The following CACNA1C variants were observed in gnomAD, a reference collection of about 807,000 sequenced individuals.
CACNA1C encodes voltage-dependent L-type calcium channel subunit alpha-1C.
CACNA1C carries 30 observed loss-of-function variants against 229.0 expected under a neutral mutation model. The observed-to-expected ratio is 0.13, with a 90% CI of 0.10 to 0.18. The LOEUF (loss-of-function observed/expected upper bound fraction) is 0.18, where lower values mean the gene tolerates loss of function less well. Among genes scored for constraint, CACNA1C ranks in the 10% least tolerant of loss-of-function variants. The pLI is 1.00. For synonymous variants in CACNA1C, 1,114 were observed against 1,132.5 expected, an observed-to-expected ratio of 0.98 and a Z score of 0.33; for missense variants, 1,658 against 2,845.0, an observed-to-expected ratio of 0.58 and a Z score of 9.49.
intron 4 of CACNA1C, among the ~76,000 whole-genome samples, chr12:2,455,784 C>T (rs1389955185): frequency 1.3e-5 from 2 of 152,156 alleles, no homozygotes; most frequent in African/African-American, 4.8e-5. Context: ...TCACTGACCG[C>T]TCTCTTCATG....
At chr12:2,240,746 G>A (rs1483954048) in intron 3 of CACNA1C, among the ~76,000 whole-genome samples, 2 of 152,138 alleles carry the variant, frequency 1.3e-5, no homozygotes, top group African/African-American at 2.4e-5. Flanking sequence ...ATGGTTAGGT[G>A]GGCACGCGTG....
Position 2,493,133 on chromosome 12 carries a change from G to A in CACNA1C, c.917-57G>A, listed in dbSNP as rs187330386. 996 of 1,460,586 alleles carry A rather than the reference G, an allele frequency of 6.8e-4. 1 individual carries two copies. In the African/African-American group the frequency reaches 0.013, roughly 18 times the overall value. The allele number at this position is 1,460,586 out of a possible 1,614,324, so 90.5% of individuals were successfully genotyped here. On this transcript the variant is annotated intron_variant, in intron 6 of 46. Coordinates refer to ENST00000399655, the MANE Select transcript of CACNA1C (RefSeq NM_000719.7). This position sits in a 1 kb window ranked among gnomAD's most constrained non-coding sequence, Gnocchi z 4.6. The stretch of plus-strand genomic sequence containing the variant: ...ACTTTTCTCTCTGACTTCTTTCTCT[G>A]CCCACATCTCTCCCTCCCTGCTGCT...
chr12:2,460,096 C>G (rs2099489526), intron 5 of CACNA1C, among the ~76,000 whole-genome samples: 1 of 152,244 alleles, frequency 6.6e-6, no homozygotes, highest in South Asian at 2.1e-4. Context: ...TGGGCTTGAC[C>G]ACATTCTGCG....
At chr12:2,418,783 C>T (rs1033792666) in intron 3 of CACNA1C, among the ~76,000 whole-genome samples, 1 of 152,128 alleles carries the variant, frequency 6.6e-6, no homozygotes, top group East Asian at 1.9e-4. Flanking sequence ...GGTCCTACAA[C>T]CTGACACGAG....
At position 2,422,831 on chromosome 12, in the gene CACNA1C, C is replaced by T. The variant is rs142346945; in HGVS notation, c.478-26145C>T. 5.1e-3 allele frequency among the ~76,000 whole-genome samples: 779 copies of T among 152,164 alleles called. 8 individuals are homozygous for T. The highest frequency in any genetic ancestry group is 0.018 in the African/African-American group (749 of 41,522). On this transcript the variant is annotated intron_variant, in intron 3 of 46. Coordinates refer to ENST00000399655, the MANE Select transcript of CACNA1C (RefSeq NM_000719.7). ...TGGCAATGGGTTAACTGCAGCGGCC[C>T]GTGGGGCAAGTGAGGGAGAGGCAGC...
intron 3 of CACNA1C, among the ~76,000 whole-genome samples, chr12:2,204,611 C>T (rs1218487364): frequency 1.3e-5 from 2 of 151,046 alleles, no homozygotes; most frequent in Non-Finnish European, 2.9e-5. Flanking sequence ...TACTATGCAG[C>T]CATAAAAAAT....
chr12:2,388,964 T>A (rs749381937), intron 3 of CACNA1C, among the ~76,000 whole-genome samples: 4 of 152,232 alleles, frequency 2.6e-5, no homozygotes, highest in Non-Finnish European at 4.4e-5. Context: ...ATTGGGGTCA[T>A]CAGTGTATGA....
At chr12:2,206,097 G>A (rs1474968171) in intron 3 of CACNA1C, among the ~76,000 whole-genome samples, 3 of 152,240 alleles carry the variant, frequency 2.0e-5, no homozygotes, top group South Asian at 4.1e-4. Flanking sequence ...TTTGAGGAGT[G>A]TTTAGGGAGG....
chr12:2,341,599 C>A (rs533647006), intron 3 of CACNA1C, among the ~76,000 whole-genome samples: 1 of 152,342 alleles, frequency 6.6e-6, no homozygotes, highest in South Asian at 2.1e-4. Flanking sequence ...TATCCACATG[C>A]CTTAGCAGAT....
intron 9 of CACNA1C, among the ~76,000 whole-genome samples, chr12:2,528,196 C>T (rs958482189): frequency 1.3e-5 from 2 of 152,166 alleles, no homozygotes; most frequent in Non-Finnish European, 2.9e-5. Flanking sequence ...CCAGACTTCA[C>T]GGCCCCACTT....
chr12:2,339,795 T>C (rs754571293), intron 3 of CACNA1C, among the ~76,000 whole-genome samples: 2 of 152,222 alleles, frequency 1.3e-5, no homozygotes, highest in Non-Finnish European at 2.9e-5. Context: ...ACTGCAGTGT[T>C]ATGCAGCACG....
intron 3 of CACNA1C, among the ~76,000 whole-genome samples, chr12:2,431,684 G>C (rs2099086355): frequency 6.6e-6 from 1 of 152,144 alleles, no homozygotes; most frequent in Admixed American, 6.5e-5. Flanking sequence ...CACAGGACCT[G>C]GCATGCAGCA....
chr12:2,610,791 A>G, intron 28 of CACNA1C, 92 bp downstream of exon 28: 6 of 1,297,462 alleles, frequency 4.6e-6, no homozygotes, highest in Non-Finnish European at 6.6e-6. Flanking sequence ...AGCTCAGTGC[A>G]TCGCTTTCCT....
At chr12:2,238,249 G>C (rs116909923) in intron 3 of CACNA1C, among the ~76,000 whole-genome samples, 138 of 152,322 alleles carry the variant, frequency 9.1e-4, no homozygotes, top group Non-Finnish European at 1.8e-3. Context: ...TCCTGTGATG[G>C]AGTGACGAGG....
intron 3 of CACNA1C, among the ~76,000 whole-genome samples, chr12:2,135,515 T>C (rs1248785732): frequency 1.5e-5 from 2 of 132,368 alleles, no homozygotes; most frequent in Non-Finnish European, 3.1e-5. Flanking sequence ...TTGTTAGTTT[T>C]CCTTCTAACA....
Position 2,067,481 on chromosome 12 carries a change from T to TATGTGC in CACNA1C, c.49+13870_49+13871insATGTGC, listed in dbSNP as rs1555107496. Among the ~76,000 whole-genome samples, 26 of 140,892 alleles carry TATGTGC rather than the reference T, an allele frequency of 1.8e-4. No individual in the cohort carries two copies. The highest frequency in any genetic ancestry group is 6.8e-4 in the African/African-American group (25 of 36,762). 92.4% of individuals were successfully genotyped at this position (140,892 alleles called of 152,430 possible). A position where few individuals can be genotyped will look rare whatever the true frequency, so the allele number is the denominator to read the frequency against. ...GTGTGTGTGTGTGTGTGTGTGTGTG[T>TATGTGC]GCGCGCGTGTGCGTGCCTGTATGTA... On this transcript the variant is annotated intron_variant, in intron 1 of 46. Coordinates refer to ENST00000399655, the MANE Select transcript of CACNA1C (RefSeq NM_000719.7). This position sits in a 1 kb window ranked among gnomAD's most constrained non-coding sequence, Gnocchi z 5.3.
intron 3 of CACNA1C, among the ~76,000 whole-genome samples, chr12:2,272,565 A>T (rs750282696): frequency 6.6e-4 from 101 of 152,262 alleles, no homozygotes; most frequent in Non-Finnish European, 1.4e-3. Flanking sequence ...TAAGAACACA[A>T]GAAAGGCTGA....
intron 1 of CACNA1C, among the ~76,000 whole-genome samples, chr12:2,071,056 TC>T (rs1356838558): frequency 1.8e-5 from 2 of 110,410 alleles, no homozygotes; most frequent in African/African-American, 7.2e-5. Flanking sequence ...CTTCCCTTCC[TC>T]CCTCCCTCCC....
At chr12:2,472,518 A>G (rs1460226298) in intron 5 of CACNA1C, among the ~76,000 whole-genome samples, 1 of 151,990 alleles carries the variant, frequency 6.6e-6, no homozygotes, top group Non-Finnish European at 1.5e-5. Context: ...AAGATCATAT[A>G]CTCATTTATT....
Sources: gnomAD v4.1 joint callset for allele counts (sites outside exome capture counted in the v4.1 genomes callset) on GRCh38, gnomAD v4.1.1 for gene constraint, Gnocchi (gnomAD v3.1) non-coding constraint, MANE v1.5 for transcripts, NCBI Gene and HGNC (gene_info 2026-07-23, HGNC 2026-07-21) for gene names.